The following TRMT1L variants were observed in gnomAD, a reference collection of about 807,000 sequenced individuals.
The protein encoded by TRMT1L is tRNA (guanine(27)-N(2))-dimethyltransferase.
A neutral mutation model predicts 81.6 loss-of-function variants in TRMT1L; 28 were observed. The ratio of observed to expected loss-of-function variants is 0.34; its 90% confidence interval spans 0.25 to 0.47. The LOEUF (loss-of-function observed/expected upper bound fraction) is 0.47. Ranked by LOEUF, TRMT1L falls within the 20% of genes least tolerant of loss-of-function variation. The pLI, the probability that TRMT1L is intolerant of heterozygous loss-of-function variation, is 1.00. For synonymous variants in TRMT1L, 301 were observed against 303.2 expected, an observed-to-expected ratio of 0.99 and a Z score of 0.07; for missense variants, 739 against 877.1, an observed-to-expected ratio of 0.84 and a Z score of 1.99.
Position 185,118,548 on chromosome 1 carries a change from CCT to C in TRMT1L, c.*1469_*1470del, listed in dbSNP as rs1652418445. On this transcript the variant is annotated 3_prime_UTR_variant, in exon 15 of 15. Coordinates refer to ENST00000367506, the MANE Select transcript of TRMT1L (RefSeq NM_030934.5). ...TATAGTAATTTTTAATTGAAAAAAA[CCT>C]CATTTATTCTGCTCATTTGCAAGTT... 6.6e-6 allele frequency: 1 copy of C among 151,960 alleles called. No homozygotes were observed. Among genetic ancestry groups the C allele is most frequent in the South Asian group, 2.1e-4 (1 of 4,822 alleles). 9.4% of individuals were successfully genotyped at this position (151,960 alleles called of 1,614,324 possible).
At chr1:185,154,248 T>C (rs1653435782) in intron 1 of TRMT1L, among the ~76,000 whole-genome samples, 1 of 152,200 alleles carries the variant, frequency 6.6e-6, no homozygotes, top group Admixed American at 6.5e-5. Flanking sequence ...CCATGGAATG[T>C]AGTGGCTCAA....
Position 185,151,857 on chromosome 1 carries a change from G to A in TRMT1L, c.314C>T (p.Ala105Val). 3 of 1,599,330 alleles carry A rather than the reference G, an allele frequency of 1.9e-6. No individual in the cohort carries two copies. Among genetic ancestry groups the A allele is most frequent in the South Asian group, 1.1e-5 (1 of 88,792 alleles). ...AAGATTATCTGAGTTCAATGAGCTG[G>A]CAGAGTCAAAATTTCCATCAGTTAC... ...AFVTDGNFDS[A>V]SSLNSDNLDA... The change falls in exon 2 of 15, where the codon GCC (alanine) becomes GTC (valine). Residue 105 changes from alanine to valine, a missense_variant. Coordinates refer to ENST00000367506, the MANE Select transcript of TRMT1L (RefSeq NM_030934.5).
intron 1 of TRMT1L, among the ~76,000 whole-genome samples, chr1:185,155,093 A>G (rs1182415053): frequency 3.3e-5 from 5 of 152,232 alleles, no homozygotes; most frequent in Admixed American, 3.3e-4. Context: ...CAATCATTAC[A>G]TATTTGTCCT....
chr1:185,119,994 C>T lies in TRMT1L; in HGVS notation c.*25G>A, dbSNP rs771450358. The T allele has an allele frequency of 1.2e-6, 2 of 1,610,768 alleles. No individual in the cohort carries two copies. Among genetic ancestry groups the T allele is most frequent in the East Asian group, 4.5e-5 (2 of 44,862 alleles). On this transcript the variant is annotated 3_prime_UTR_variant, in exon 15 of 15. Coordinates refer to ENST00000367506, the MANE Select transcript of TRMT1L (RefSeq NM_030934.5). ...AACTATTAGGCCATCTATACAGACA[C>T]CTGAGAACCAATTCTTCTCTACGTT...
chr1:185,156,473 C>T lies in TRMT1L; in HGVS notation c.235+5G>A. ...AGCAGAAAGATCTGGGCCTTCTGCACTTACTGCTTTTAGCCTCCTCAGGGG... is the reference window on the plus strand; with the variant it reads ...AGCAGAAAGATCTGGGCCTTCTGCATTTACTGCTTTTAGCCTCCTCAGGGG... On this transcript the variant is annotated splice_donor_5th_base_variant and intron_variant, in intron 1 of 14. Coordinates refer to ENST00000367506, the MANE Select transcript of TRMT1L (RefSeq NM_030934.5). 7 of 1,613,932 alleles carry T rather than the reference C, an allele frequency of 4.3e-6. No homozygotes were observed. Among genetic ancestry groups the T allele is most frequent in the Non-Finnish European group, 5.1e-6 (6 of 1,179,872 alleles).
intron 10 of TRMT1L, among the ~76,000 whole-genome samples, chr1:185,130,045 T>A (rs182125468): frequency 6.6e-6 from 1 of 152,234 alleles, no homozygotes; most frequent in Non-Finnish European, 1.5e-5. Context: ...TGTATCTTGA[T>A]GCACTGTGCA....
In TRMT1L at chr1:185,156,667, CCTCCTT is replaced by C; in HGVS notation, c.40_45del (p.Lys14_Glu15del). 6.2e-7 allele frequency: 1 copy of C among 1,612,042 alleles called. No individual in the cohort carries two copies. Among genetic ancestry groups the C allele is most frequent in the Non-Finnish European group, 8.5e-7 (1 of 1,179,532 alleles). ...ACCTGGACCTGGGCCACCTCCACCT[CCTCCTT>C]CTCCAGGGGCAGCAGCTCCTCCTCC... On this transcript the variant is annotated inframe_deletion, in exon 1 of 15. Transcript: ENST00000367506.
At chr1:185,153,064 C>G (rs1303314835) in intron 1 of TRMT1L, among the ~76,000 whole-genome samples, 1 of 152,178 alleles carries the variant, frequency 6.6e-6, no homozygotes, top group Non-Finnish European at 1.5e-5. Flanking sequence ...TGATTTCAAA[C>G]AACCAACTAG....
In TRMT1L at chr1:185,156,881, T is replaced by C; in HGVS notation, c.-169A>G. 3 of 919,808 alleles carry C rather than the reference T, an allele frequency of 3.3e-6. No homozygotes were observed. The highest frequency in any genetic ancestry group is 4.7e-6 in the Non-Finnish European group (3 of 642,406). 57.0% of individuals were successfully genotyped at this position (919,808 alleles called of 1,614,324 possible). On this transcript the variant is annotated 5_prime_UTR_variant, in exon 1 of 15. Coordinates refer to ENST00000367506, the MANE Select transcript of TRMT1L (RefSeq NM_030934.5). ...AGATGAAGAACCAGTGACCAAATCC[T>C]GTTAGTAGAAAACAGAAAGCCAGAG...
At chr1:185,125,206 T>A in intron 11 of TRMT1L, 96 bp from the exon 12 acceptor site, 1 of 794,098 alleles carries the variant, frequency 1.3e-6, no homozygotes, top group Non-Finnish European at 1.9e-6. Context: ...GATATATAAT[T>A]AATTATATGA....
chr1:185,140,761 T>C (rs530136428), intron 7 of TRMT1L, among the ~76,000 whole-genome samples: 322 of 151,794 alleles, frequency 2.1e-3, no homozygotes, highest in Middle Eastern at 3.4e-3. Context: ...GGTGGATCAC[T>C]TGAGCCCAGG....
intron 13 of TRMT1L, among the ~76,000 whole-genome samples, chr1:185,121,817 A>G (rs562139969): frequency 6.6e-6 from 1 of 152,058 alleles, no homozygotes; most frequent in East Asian, 1.9e-4. Context: ...ATTAAAGGGT[A>G]TATGTGTAGG....
chr1:185,142,889 C>G (rs1653087034), intron 7 of TRMT1L, among the ~76,000 whole-genome samples: 2 of 152,078 alleles, frequency 1.3e-5, no homozygotes, highest in Non-Finnish European at 2.9e-5. Context: ...ACCTGAAATA[C>G]AGTTTTTGTC....
intron 13 of TRMT1L, among the ~76,000 whole-genome samples, chr1:185,122,688 T>A (rs1384575484): frequency 6.7e-6 from 1 of 148,472 alleles, no homozygotes; most frequent in Non-Finnish European, 1.5e-5. Flanking sequence ...TCTAATTTTT[T>A]TTTTTTTTTT....
chr1:185,141,897 C>CAGGCA (rs893972902), intron 7 of TRMT1L, among the ~76,000 whole-genome samples: 53 of 152,186 alleles, frequency 3.5e-4, no homozygotes, highest in African/African-American at 1.2e-3. Context: ...TTAGCAGTAA[C>CAGGCA]AGGCAAGACA....
chr1:185,156,728 G>T lies in TRMT1L; in HGVS notation c.-16C>A, dbSNP rs770153401. ...TATTCTCCATAGTTACCGCCTCCGT[G>T]CCAAGCCCGCCCGGGGACCCGGAGC... is the stretch of plus-strand genomic sequence containing the variant. On this transcript the variant is annotated 5_prime_UTR_variant, in exon 1 of 15. Transcript: ENST00000367506. 70 of 1,611,916 alleles carry T rather than the reference G, an allele frequency of 4.3e-5. No individual in the cohort carries two copies. The highest frequency in any genetic ancestry group is 5.4e-5 in the Non-Finnish European group (64 of 1,179,600).
intron 5 of TRMT1L, among the ~76,000 whole-genome samples, chr1:185,144,965 G>C (rs1653151257): frequency 6.6e-6 from 1 of 151,766 alleles, no homozygotes; most frequent in South Asian, 2.1e-4. Flanking sequence ...ACACAGAGGA[G>C]AGAAGTTATT....
At chr1:185,123,544 A>C (rs1049882172) in intron 13 of TRMT1L, among the ~76,000 whole-genome samples, 16 of 152,160 alleles carry the variant, frequency 1.1e-4, no homozygotes, top group African/African-American at 3.9e-4. Flanking sequence ...ATTAGAATAA[A>C]ATTTTATCTT....
chr1:185,119,103 A>G lies in TRMT1L; in HGVS notation c.*916T>C, dbSNP rs1447270846. On this transcript the variant is annotated 3_prime_UTR_variant, in exon 15 of 15. Coordinates refer to ENST00000367506, the MANE Select transcript of TRMT1L (RefSeq NM_030934.5). The stretch of plus-strand genomic sequence containing the variant: ...TCAGCCTGGGCTAATTATACAGAAA[A>G]TTTATACAAATACACACAAAACCAA... 11 of 152,124 alleles carry G rather than the reference A, an allele frequency of 7.2e-5. No homozygotes were observed. The highest frequency in any genetic ancestry group is 7.2e-4 in the Admixed American group (11 of 15,250). 9.4% of individuals were successfully genotyped at this position (152,124 alleles called of 1,614,324 possible).
Sources: gnomAD v4.1 joint callset for allele counts (sites outside exome capture counted in the v4.1 genomes callset) on GRCh38, gnomAD v4.1.1 for gene constraint, MANE v1.5 for transcripts, NCBI Gene and HGNC (gene_info 2026-07-23, HGNC 2026-07-21) for gene names.